The following ZNF536 variants were observed in gnomAD, a reference collection of about 807,000 sequenced individuals.
The protein encoded by ZNF536 is zinc finger protein 536.
Under a neutral mutation model 84.5 loss-of-function variants are expected in ZNF536, and 13 were observed. The ratio of observed to expected loss-of-function variants is 0.15; its 90% CI spans 0.10 to 0.24. The LOEUF (loss-of-function observed/expected upper bound fraction) is 0.24, where lower values mean the gene tolerates loss of function less well. Ranked by LOEUF, ZNF536 falls within the 10% of genes least tolerant of loss-of-function variation. The pLI, the probability that ZNF536 is intolerant of heterozygous loss-of-function variation, is 1.00. For synonymous variants in ZNF536, 811 were observed against 742.5 expected (o/e 1.09, Z -1.50); for missense variants, 1,536 against 1,747.5 (o/e 0.88, Z 2.16).
chr19:30,598,340 C>T (rs1028080065), intron 1 of ZNF536, among the ~76,000 whole-genome samples: 1 of 152,186 alleles, frequency 6.6e-6, no homozygotes, highest in Non-Finnish European at 1.5e-5. Flanking sequence ...CTTACCTTTA[C>T]AGAAGGAAGG....
intron 2 of ZNF536, among the ~76,000 whole-genome samples, chr19:30,446,833 C>T (rs2052372762): frequency 6.9e-6 from 1 of 144,840 alleles, no homozygotes; most frequent in African/African-American, 2.6e-5. Flanking sequence ...ACAACAACAA[C>T]AACAACAAAA....
intron 1 of ZNF536, among the ~76,000 whole-genome samples, chr19:30,564,551 G>A (rs1245750614): frequency 6.6e-6 from 1 of 152,094 alleles, no homozygotes; most frequent in East Asian, 1.9e-4. Flanking sequence ...GTCAGGCTGG[G>A]GAGAAGGGTG....
At chr19:30,634,986 CTTA>C (rs2049013313) in intron 1 of ZNF536, among the ~76,000 whole-genome samples, 1 of 152,180 alleles carries the variant, frequency 6.6e-6, no homozygotes, top group Non-Finnish European at 1.5e-5. Flanking sequence ...TAACACTCAG[CTTA>C]TTTTAATTCT....
intron 1 of ZNF536, among the ~76,000 whole-genome samples, chr19:30,235,025 G>T (rs544759352): frequency 3.9e-5 from 6 of 152,216 alleles, no homozygotes; most frequent in African/African-American, 1.4e-4. Context: ...AGGTACAGGA[G>T]GAAGGGAAGG....
chr19:30,359,009 G>A (rs2048184415), intron 3 of ZNF536, among the ~76,000 whole-genome samples: 1 of 152,176 alleles, frequency 6.6e-6, no homozygotes, highest in Non-Finnish European at 1.5e-5. Flanking sequence ...GCAGCCTGGG[G>A]AAAGCCGGCC....
intron 1 of ZNF536, among the ~76,000 whole-genome samples, chr19:30,701,191 TCACACA>T (rs56314262): frequency 0.11 from 16,161 of 149,724 alleles, 1,126 homozygotes; most frequent in East Asian, 0.34. Flanking sequence ...TATCTCACTC[TCACACA>T]CACACACACA....
rs11879877 is a variant in ZNF536 at position 30,694,895 on chromosome 19, T to G, written c.170-15862T>G. 4.8e-3 allele frequency among the ~76,000 whole-genome samples: 732 copies of G among 151,140 alleles called. 9 individuals are homozygous for G. Among genetic ancestry groups the G allele is most frequent in the African/African-American group, 0.017 (698 of 41,114 alleles). The stretch of plus-strand genomic sequence containing the variant: ...AAAGTGGTAAGGTGGAGGGCAAGAG[T>G]GAGGAGGGCAGGGCGTGGTTCTTGG... On this transcript the variant is annotated intron_variant, in intron 1 of 1. Transcript: ENST00000592773.
Position 30,444,938 on chromosome 19 carries a change from C to T in ZNF536, c.1376C>T (p.Pro459Leu), listed in dbSNP as rs745542323. 14 of 1,611,666 alleles carry T rather than the reference C, an allele frequency of 8.7e-6. No homozygotes were observed. The highest frequency in any genetic ancestry group is 1.2e-5 in the Non-Finnish European group (14 of 1,179,080). ...CAGCTCTATGGCAAGGGCGAGCTGC[C>T]CATGAAGGAGAAGGAAGCGCTGGGG... Reference protein sequence around the residue: ...PSQLYGKGELPMKEKEALGKL... With the variant: ...PSQLYGKGELLMKEKEALGKL... The change falls in exon 2 of 5, where the codon CCC becomes CTC. Residue 459 changes from proline (P) to leucine (L), a missense_variant. By Grantham distance (98) the Pro-to-Leu change is moderately conservative (BLOSUM62 -3). Coordinates refer to ENST00000355537, the MANE Select transcript of ZNF536 (RefSeq NM_014717.3).
intron 1 of ZNF536, among the ~76,000 whole-genome samples, chr19:30,391,014 A>G (rs1036347987): frequency 2.6e-5 from 4 of 152,210 alleles, no homozygotes; most frequent in African/African-American, 7.2e-5. Flanking sequence ...CTAGGGACCA[A>G]GTTTTGCCTG....
At chr19:30,301,740 A>C (rs2046192575) in intron 2 of ZNF536, among the ~76,000 whole-genome samples, 1 of 151,992 alleles carries the variant, frequency 6.6e-6, no homozygotes, top group South Asian at 2.1e-4. Context: ...TTTATTATGC[A>C]CTCTGCATTT....
At chr19:30,244,655 A>AT (rs1162483936) in intron 1 of ZNF536, among the ~76,000 whole-genome samples, 4 of 152,128 alleles carry the variant, frequency 2.6e-5, no homozygotes, top group Non-Finnish European at 4.4e-5. Flanking sequence ...AGACCACTGC[A>AT]TTGCCAGCTG....
intron 1 of ZNF536, among the ~76,000 whole-genome samples, chr19:30,375,946 A>G (rs1306014285): frequency 6.6e-6 from 1 of 152,032 alleles, no homozygotes; most frequent in Non-Finnish European, 1.5e-5. Context: ...GTGCCTGTGC[A>G]CGTGTGTTTG....
chr19:30,355,490 C>T (rs781434631), intron 3 of ZNF536, among the ~76,000 whole-genome samples: 1 of 152,094 alleles, frequency 6.6e-6, no homozygotes, highest in African/African-American at 2.4e-5. Flanking sequence ...TGGGCTCATG[C>T]GATCCCCGTG....
At chr19:30,643,213 A>G (rs897239474) in intron 1 of ZNF536, among the ~76,000 whole-genome samples, 2 of 152,206 alleles carry the variant, frequency 1.3e-5, no homozygotes, top group Non-Finnish European at 2.9e-5. Context: ...TGTGTCCTCC[A>G]TCCCAGCCTT....
chr19:30,618,408 T>A (rs924351360), intron 1 of ZNF536, among the ~76,000 whole-genome samples: 3 of 152,238 alleles, frequency 2.0e-5, no homozygotes, highest in Middle Eastern at 3.2e-3. Flanking sequence ...GACAGCATAA[T>A]ATTTTGTTTT....
intron 2 of ZNF536, among the ~76,000 whole-genome samples, chr19:30,469,331 G>C (rs1343837989): frequency 1.3e-5 from 2 of 152,068 alleles, no homozygotes; most frequent in African/African-American, 4.8e-5. Flanking sequence ...AGGATGGCAT[G>C]AACCCAGAAG....
At chr19:30,614,794 A>G (rs1381012730) in intron 1 of ZNF536, among the ~76,000 whole-genome samples, 3 of 151,004 alleles carry the variant, frequency 2.0e-5, no homozygotes, top group South Asian at 2.1e-4. Context: ...GGTTTGCCAT[A>G]TGCCTTTTGA....
At chr19:30,649,330 C>T (rs2049607429) in intron 1 of ZNF536, among the ~76,000 whole-genome samples, 1 of 152,108 alleles carries the variant, frequency 6.6e-6, no homozygotes, top group Non-Finnish European at 1.5e-5. Context: ...ATATGATATC[C>T]CATAACTTAA....
In ZNF536 at chr19:30,591,492, T is replaced by C. The variant is rs142276500; in HGVS notation, c.169+41978T>C. 6.4e-3 allele frequency among the ~76,000 whole-genome samples: 978 copies of C among 152,276 alleles called. 11 individuals carry two copies. Among genetic ancestry groups the C allele is most frequent in the African/African-American group, 0.023 (944 of 41,542 alleles). ...TCCTGTTCATAAAATCATCAGATCTTGTGAGATTTATTCACTACCATGAGA... is the reference window on the plus strand; with the variant it reads ...TCCTGTTCATAAAATCATCAGATCTCGTGAGATTTATTCACTACCATGAGA... On this transcript the variant is annotated intron_variant, in intron 1 of 1. Coordinates refer to the ZNF536 transcript ENST00000592773.
Sources: allele counts gnomAD v4.1 joint callset (sites outside exome capture counted in the v4.1 genomes callset), GRCh38; gene constraint gnomAD v4.1.1; transcripts MANE v1.5; gene names NCBI Gene and HGNC (gene_info 2026-07-23, HGNC 2026-07-21).